The following NLK variants were observed in gnomAD, a reference collection of about 807,000 sequenced individuals.
NLK encodes the protein serine/threonine-protein kinase NLK.
In NLK, 11 loss-of-function variants were observed where a neutral mutation model predicts 59.0. The observed-to-expected ratio is 0.19, with a 90% CI of 0.12 to 0.31. NLK has a LOEUF of 0.31. Among genes scored for constraint, NLK ranks in the 10% least tolerant of loss-of-function variants. NLK has a pLI of 1.00. For synonymous variants in NLK, 235 were observed against 235.9 expected (o/e 1.00, Z 0.03); for missense variants, 410 against 661.1 (o/e 0.62, Z 4.16).
At chr17:28,128,334 CAT>C (rs1906375274) in intron 2 of NLK, among the ~76,000 whole-genome samples, 2 of 152,066 alleles carry the variant, frequency 1.3e-5, no homozygotes, top group African/African-American at 4.8e-5. Context: ...AGACCTCAAA[CAT>C]ATATCCAATA....
At chr17:28,158,947 G>A (rs1907894554) in intron 3 of NLK, among the ~76,000 whole-genome samples, 1 of 152,112 alleles carries the variant, frequency 6.6e-6, no homozygotes, top group Non-Finnish European at 1.5e-5. Flanking sequence ...ACAGTCTGTG[G>A]GACCACCTTT....
At chr17:28,087,803 A>G (rs1910563715) in intron 1 of NLK, among the ~76,000 whole-genome samples, 4 of 152,196 alleles carry the variant, frequency 2.6e-5, no homozygotes, top group Admixed American at 6.5e-5. Flanking sequence ...GATGATTTCT[A>G]AGATTCCTTT....
At chr17:28,162,449 A>G (rs1385720137) in intron 4 of NLK, among the ~76,000 whole-genome samples, 2 of 152,124 alleles carry the variant, frequency 1.3e-5, no homozygotes, top group Non-Finnish European at 2.9e-5. Flanking sequence ...CCTGGCCAAC[A>G]TGGCAAAACT....
chr17:28,175,450 CAA>C (rs756212992), intron 7 of NLK, among the ~76,000 whole-genome samples: 16 of 129,558 alleles, frequency 1.2e-4, no homozygotes, highest in East Asian at 2.2e-4. Context: ...GACTTCGTCT[CAA>C]AAAAAAAAAA....
intron 1 of NLK, among the ~76,000 whole-genome samples, chr17:28,099,078 T>C (rs1015860615): frequency 6.6e-6 from 1 of 152,196 alleles, no homozygotes; most frequent in Non-Finnish European, 1.5e-5. Context: ...CCACCCATTT[T>C]TTAAGGGTTT....
chr17:28,123,318 A>G (rs1265787457), intron 2 of NLK, among the ~76,000 whole-genome samples: 2 of 152,216 alleles, frequency 1.3e-5, no homozygotes, highest in African/African-American at 4.8e-5. Context: ...AGGAGCATAT[A>G]TTTGTAGGGA....
chr17:28,168,141 A>T (rs1047216178), intron 5 of NLK, among the ~76,000 whole-genome samples: 1 of 149,608 alleles, frequency 6.7e-6, no homozygotes, highest in Non-Finnish European at 1.5e-5. Context: ...CCTGGCCAAT[A>T]TGGTGAAACC....
intron 3 of NLK, among the ~76,000 whole-genome samples, chr17:28,153,854 A>C (rs935050685): frequency 1.3e-5 from 2 of 152,194 alleles, no homozygotes; most frequent in Non-Finnish European, 2.9e-5. Context: ...TTTTTGGTAC[A>C]TACTAGCGGG....
At chr17:28,081,290 C>G (rs1910337172) in intron 1 of NLK, among the ~76,000 whole-genome samples, 1 of 151,932 alleles carries the variant, frequency 6.6e-6, no homozygotes, top group Non-Finnish European at 1.5e-5. Context: ...TCAGCCTTGA[C>G]CTTCCAGGCT....
intron 1 of NLK, among the ~76,000 whole-genome samples, chr17:28,089,462 G>A (rs768031291): frequency 1.4e-5 from 2 of 145,870 alleles, no homozygotes; most frequent in Non-Finnish European, 3.0e-5. Context: ...CTATAGTTTT[G>A]TTGTTTTTTT....
At chr17:28,093,308 C>T (rs1243828691) in intron 1 of NLK, among the ~76,000 whole-genome samples, 14 of 152,136 alleles carry the variant, frequency 9.2e-5, no homozygotes, top group Non-Finnish European at 1.5e-4. Flanking sequence ...GAAGTATATA[C>T]ATACTTAATG....
chr17:28,192,053 G>A (rs554772495), intron 9 of NLK, 67 bp from the exon 10 acceptor site: 10 of 842,452 alleles, frequency 1.2e-5, no homozygotes, highest in East Asian at 2.7e-5. Flanking sequence ...GCTAGAGTTC[G>A]CTGAGAATTC....
intron 1 of NLK, among the ~76,000 whole-genome samples, chr17:28,074,600 T>C (rs1910110729): frequency 6.6e-6 from 1 of 152,206 alleles, no homozygotes; most frequent in Non-Finnish European, 1.5e-5. Context: ...CCATTATATA[T>C]TTGTCCTGCA....
At chr17:28,115,087 G>T (rs1311400985) in intron 1 of NLK, among the ~76,000 whole-genome samples, 2 of 152,180 alleles carry the variant, frequency 1.3e-5, no homozygotes, top group Non-Finnish European at 2.9e-5. Context: ...ATGCAGTGAG[G>T]CTAGTTCTGC....
intron 3 of NLK, among the ~76,000 whole-genome samples, chr17:28,139,604 A>C (rs955875878): frequency 2.0e-5 from 3 of 152,238 alleles, no homozygotes; most frequent in Non-Finnish European, 4.4e-5. Flanking sequence ...TCTGGGATGA[A>C]TACAAAGATG....
intron 4 of NLK, among the ~76,000 whole-genome samples, chr17:28,161,906 A>G (rs1052282380): frequency 5.9e-5 from 9 of 152,194 alleles, no homozygotes; most frequent in African/African-American, 2.2e-4. Flanking sequence ...CTTAAACCTG[A>G]AACAGCTTTC....
intron 8 of NLK, among the ~76,000 whole-genome samples, chr17:28,190,735 T>C (rs1464988955): frequency 6.6e-6 from 1 of 152,150 alleles, no homozygotes; most frequent in Non-Finnish European, 1.5e-5. Flanking sequence ...TTTGTGATTT[T>C]TGACCCAGCA....
intron 1 of NLK, among the ~76,000 whole-genome samples, chr17:28,077,607 T>C (rs1910213669): frequency 6.6e-6 from 1 of 152,172 alleles, no homozygotes. Context: ...CTAAGGCTAT[T>C]AGGCATCTGA....
intron 1 of NLK, among the ~76,000 whole-genome samples, chr17:28,117,365 A>G (rs531450748): frequency 6.6e-6 from 1 of 152,324 alleles, no homozygotes; most frequent in East Asian, 1.9e-4. Context: ...ACTCACTAGT[A>G]CTAAGTACTT....
Sources: gnomAD v4.1 joint callset for allele counts (sites outside exome capture counted in the v4.1 genomes callset) on GRCh38, gnomAD v4.1.1 for gene constraint, MANE v1.5 for transcripts, NCBI Gene and HGNC (gene_info 2026-07-23, HGNC 2026-07-21) for gene names.